The following IFIT2 variants were observed in gnomAD, a reference collection of about 807,000 sequenced individuals.
IFIT2 encodes interferon-induced protein with tetratricopeptide repeats 2.
In IFIT2, 3 loss-of-function variants were observed where a neutral mutation model predicts 2.5. The observed-to-expected ratio is 1.21, with a 90% confidence interval of 0.55 to 3.14. IFIT2 has a LOEUF of 3.14. IFIT2 is among the 30% of genes most tolerant of loss of function. The pLI, the probability that IFIT2 is intolerant of heterozygous loss-of-function variation, is 0.03. For missense variants in IFIT2, 493 were observed against 558.9 expected (o/e 0.88, Z 1.19); for synonymous variants, 212 against 200.7 (o/e 1.06, Z -0.48).
rs1157948651 is a variant in IFIT2 at position 89,307,131 on chromosome 10, T to C, written c.1175T>C (p.Ile392Thr). The C allele has an allele frequency of 1.2e-6, 2 of 1,613,898 alleles. No homozygotes were observed. The highest frequency in any genetic ancestry group is 1.7e-5 in the Admixed American group (1 of 59,984). ...CAAATGAAGTGTGAAGACAAGGCCATCCACCACTTTATAGAGGGTGTAAAA... is the reference window on the plus strand; with the variant it reads ...CAAATGAAGTGTGAAGACAAGGCCACCCACCACTTTATAGAGGGTGTAAAA... ...LYQMKCEDKAIHHFIEGVKIN... is the reference protein window; with the variant it reads ...LYQMKCEDKATHHFIEGVKIN... The change falls in exon 2 of 2, where the codon ATC becomes ACC. Residue 392 changes from isoleucine to threonine, a missense_variant. Physicochemically the swap from Ile to Thr is moderately conservative, Grantham distance 89. Transcript: ENST00000371826.
At chr10:89,305,187 T>C (rs997248920) in intron 1 of IFIT2, among the ~76,000 whole-genome samples, 11 of 151,816 alleles carry the variant, frequency 7.2e-5, no homozygotes, top group Non-Finnish European at 1.6e-4. Context: ...AATGAGAGAA[T>C]AATACAAAAG....
intron 1 of IFIT2, 64 bp from the exon 2 acceptor site, chr10:89,305,898 A>T: frequency 8.6e-7 from 1 of 1,161,336 alleles, no homozygotes; most frequent in Non-Finnish European, 1.2e-6. Context: ...TTTATTTGCC[A>T]TGCTCCCATT....
intron 1 of IFIT2, 137 bp downstream of exon 1, chr10:89,302,265 T>G: frequency 2.2e-6 from 2 of 893,790 alleles, no homozygotes; most frequent in South Asian, 2.9e-5. Flanking sequence ...CTACCTCTGT[T>G]GGTTGTAAAT....
intron 1 of IFIT2, among the ~76,000 whole-genome samples, chr10:89,304,741 T>TGG (rs1449104521): frequency 6.6e-6 from 1 of 152,220 alleles, no homozygotes; most frequent in East Asian, 1.9e-4. Context: ...GTCTGTTCTC[T>TGG]GGGTTTTTTA....
At chr10:89,305,304 C>T (rs543278302) in intron 1 of IFIT2, among the ~76,000 whole-genome samples, 1 of 151,466 alleles carries the variant, frequency 6.6e-6, no homozygotes, top group Non-Finnish European at 1.5e-5. Flanking sequence ...AAGTAATAAA[C>T]CAATACAAAA....
Position 89,307,296 on chromosome 10 carries a change from A to C in IFIT2, c.1340A>C (p.Gln447Pro). 6.2e-7 allele frequency: 1 copy of C among 1,613,972 alleles called. No individual in the cohort carries two copies. Among genetic ancestry groups the C allele is most frequent in the Non-Finnish European group, 8.5e-7 (1 of 1,179,918 alleles). ...CTTCAGGAGCTGAATGAAAAAATGC[A>C]ACAAGCAGATGAAGACTCTGAGAGG... Reference protein sequence around the residue: ...AFLQELNEKMQQADEDSERGL... With the variant: ...AFLQELNEKMPQADEDSERGL... Residue 447 changes from glutamine (Q) to proline (P), a missense_variant, in exon 2 of 2, where the codon CAA becomes CCA. Gln to Pro is a moderately conservative substitution (Grantham distance 76). Transcript: ENST00000371826.
At position 89,306,645 on chromosome 10, in the gene IFIT2, G is replaced by T. The variant is rs772185964; in HGVS notation, c.689G>T (p.Gly230Val). 1.2e-6 allele frequency: 2 copies of T among 1,614,126 alleles called. No homozygotes were observed. Among genetic ancestry groups the T allele is most frequent in the African/African-American group, 1.3e-5 (1 of 75,050 alleles). The part of the protein sequence containing the change: ...HKMREEGEEE[G>V]EGEKLVEEAL... ...ATGCGTGAAGAAGGTGAAGAGGAAG[G>T]TGAAGGAGAGAAGTTAGTTGAAGAA... The change falls in exon 2 of 2, where the codon GGT becomes GTT. Residue 230 changes from glycine to valine, a missense_variant. Coordinates refer to ENST00000371826, the MANE Select transcript of IFIT2 (RefSeq NM_001547.5).
intron 1 of IFIT2, among the ~76,000 whole-genome samples, chr10:89,304,242 T>A (rs1231066684): frequency 2.0e-5 from 3 of 152,088 alleles, no homozygotes; most frequent in Admixed American, 2.0e-4. Flanking sequence ...GTTGTCTAAG[T>A]CCCTTGATGT....
intron 1 of IFIT2, among the ~76,000 whole-genome samples, chr10:89,305,074 G>T (rs1356600339): frequency 6.6e-6 from 1 of 151,156 alleles, no homozygotes; most frequent in Non-Finnish European, 1.5e-5. Context: ...GAAATCACCA[G>T]TTTAAGAAAT....
intron 1 of IFIT2, among the ~76,000 whole-genome samples, chr10:89,302,890 G>A (rs968284336): frequency 1.3e-5 from 2 of 151,916 alleles, no homozygotes; most frequent in South Asian, 2.1e-4. Flanking sequence ...CTGGAATCCC[G>A]TGTTACCAAC....
Position 89,307,306 on chromosome 10 carries a change from T to A in IFIT2, c.1350T>A (p.Asp450Glu). The A allele has an allele frequency of 6.2e-7, 1 of 1,613,944 alleles. No homozygotes were observed. The highest frequency in any genetic ancestry group is 8.5e-7 in the Non-Finnish European group (1 of 1,179,864). ...QELNEKMQQA[D>E]EDSERGLESG... is the part of the protein sequence containing the mutation. ...TGAATGAAAAAATGCAACAAGCAGA[T>A]GAAGACTCTGAGAGGGGTTTGGAGT... The change falls in exon 2 of 2, where the codon GAT becomes GAA. Residue 450 changes from aspartate to glutamate, a missense_variant. Coordinates refer to ENST00000371826, the MANE Select transcript of IFIT2 (RefSeq NM_001547.5).
chr10:89,303,299 G>GTC (rs1843457731), intron 1 of IFIT2, among the ~76,000 whole-genome samples: 1 of 152,202 alleles, frequency 6.6e-6, no homozygotes, highest in Non-Finnish European at 1.5e-5. Flanking sequence ...ACTCCCCAGA[G>GTC]ATTCTCATTA....
At position 89,302,117 on chromosome 10, in the gene IFIT2, T is replaced by C; in HGVS notation, c.-7T>C. ...CCTGCCGAACAGCTGAGAATTGCAC[T>C]GCAACCATGAGGTAAATATTTTCCC... On this transcript the variant is annotated 5_prime_UTR_variant, in exon 1 of 2. Coordinates refer to ENST00000371826, the MANE Select transcript of IFIT2 (RefSeq NM_001547.5). 1.2e-6 allele frequency: 2 copies of C among 1,614,006 alleles called. No homozygotes were observed. The highest frequency in any genetic ancestry group is 1.7e-6 in the Non-Finnish European group (2 of 1,179,884).
intron 1 of IFIT2, among the ~76,000 whole-genome samples, chr10:89,304,707 C>A (rs999817807): frequency 1.3e-5 from 2 of 152,176 alleles, no homozygotes; most frequent in Middle Eastern, 3.4e-3. Flanking sequence ...CAAAGTAATT[C>A]GAAATACAGG....
Position 89,306,031 on chromosome 10 carries a change from G to A in IFIT2, c.75G>A (p.Met25Ile), listed in dbSNP as rs746111521. The change falls in exon 2 of 2, where the codon ATG becomes ATA. Residue 25 changes from methionine to isoleucine, a missense_variant. Transcript: ENST00000371826. ...AATGCCATTTCACCTGGAACTTGAT[G>A]GAGGGAGAAAACTCCTTGGATGATT... ...QLKCHFTWNL[M>I]EGENSLDDFE... 15 of 1,613,934 alleles carry A rather than the reference G, an allele frequency of 9.3e-6. No homozygotes were observed. Among genetic ancestry groups the A allele is most frequent in the Non-Finnish European group, 1.1e-5 (13 of 1,179,916 alleles).
At chr10:89,304,418 T>C (rs1343211110) in intron 1 of IFIT2, among the ~76,000 whole-genome samples, 2 of 152,008 alleles carry the variant, frequency 1.3e-5, no homozygotes, top group Non-Finnish European at 2.9e-5. Context: ...GAAGCAGTGG[T>C]ATAAAAAGTG....
At chr10:89,304,507 T>C (rs1843465755) in intron 1 of IFIT2, among the ~76,000 whole-genome samples, 1 of 152,138 alleles carries the variant, frequency 6.6e-6, no homozygotes, top group South Asian at 2.1e-4. Flanking sequence ...TCCTGCCACA[T>C]TGCATGACAT....
Position 89,308,986 on chromosome 10 carries a change from T to C in IFIT2, c.*1611T>C, listed in dbSNP as rs528506729. ...TAAATCTTTCAGACTCAGCTACTGATAAATGAAACGTTACACAGGTGTGAA... is the reference window on the plus strand; with the variant it reads ...TAAATCTTTCAGACTCAGCTACTGACAAATGAAACGTTACACAGGTGTGAA... On this transcript the variant is annotated 3_prime_UTR_variant, in exon 2 of 2. Coordinates refer to ENST00000371826, the MANE Select transcript of IFIT2 (RefSeq NM_001547.5). The C allele has an allele frequency of 6.6e-6, 1 of 152,240 alleles. No individual in the cohort carries two copies. Among genetic ancestry groups the C allele is most frequent in the Non-Finnish European group, 1.5e-5 (1 of 68,050 alleles). The allele number at this position is 152,240 out of a possible 1,614,324, so 9.4% of individuals were successfully genotyped here.
rs1173657389 is a variant in IFIT2, at chr10:89,302,097, C to G, written c.-27C>G. On this transcript the variant is annotated 5_prime_UTR_variant, in exon 1 of 2. Coordinates refer to ENST00000371826, the MANE Select transcript of IFIT2 (RefSeq NM_001547.5). ...TGCAGCTGCCTGAACCGAGCCCTGC[C>G]GAACAGCTGAGAATTGCACTGCAAC... 2 of 1,613,716 alleles carry G rather than the reference C, an allele frequency of 1.2e-6. No individual in the cohort carries two copies. Among genetic ancestry groups the G allele is most frequent in the Non-Finnish European group, 1.7e-6 (2 of 1,179,726 alleles).
Sources: gnomAD v4.1 joint callset for allele counts (sites outside exome capture counted in the v4.1 genomes callset) on GRCh38, gnomAD v4.1.1 for gene constraint, MANE v1.5 for transcripts, NCBI Gene and HGNC (gene_info 2026-07-23, HGNC 2026-07-21) for gene names.